Variants in KCMF1 observed in about 807,000 individuals in gnomAD.
The protein encoded by KCMF1 is E3 ubiquitin-protein ligase KCMF1.
In KCMF1, 3 loss-of-function variants were observed where a neutral mutation model predicts 41.1. The ratio of observed to expected loss-of-function variants is 0.07; its 90% confidence interval spans 0.03 to 0.19. The LOEUF is 0.19. Among genes scored for constraint, KCMF1 ranks in the 10% least tolerant of loss-of-function variants. KCMF1 has a pLI of 1.00. For synonymous variants in KCMF1, 142 were observed against 164.5 expected, an observed-to-expected ratio of 0.86 and a Z score of 1.04; for missense variants, 286 against 488.9, an observed-to-expected ratio of 0.58 and a Z score of 3.91.
At chr2:85,049,328 A>G (rs1675748747) in intron 5 of KCMF1, 38 bp from the exon 6 acceptor site, 1 of 1,602,394 alleles carries the variant, frequency 6.2e-7, no homozygotes, top group Non-Finnish European at 8.5e-7. Flanking sequence ...TTTCCTCAGT[A>G]TTAAGCAGAC....
intron 1 of KCMF1, among the ~76,000 whole-genome samples, chr2:84,972,797 A>C (rs1673433573): frequency 6.6e-6 from 1 of 152,228 alleles, no homozygotes; most frequent in Non-Finnish European, 1.5e-5. Flanking sequence ...GTGTTCAACG[A>C]TTCTGTATTT....
intron 1 of KCMF1, among the ~76,000 whole-genome samples, chr2:85,006,819 G>A (rs1181979020): frequency 2.0e-5 from 3 of 151,496 alleles, no homozygotes; most frequent in African/African-American, 4.8e-5. Flanking sequence ...TTAAGAAATA[G>A]AACATCTCGG....
At chr2:84,973,168 TCA>T (rs1673446596) in intron 1 of KCMF1, among the ~76,000 whole-genome samples, 1 of 152,220 alleles carries the variant, frequency 6.6e-6, no homozygotes, top group African/African-American at 2.4e-5. Context: ...AGTTAGAGAA[TCA>T]CAGCCATGGA....
chr2:85,017,541 T>C (rs558399912), intron 1 of KCMF1, among the ~76,000 whole-genome samples: 1 of 151,948 alleles, frequency 6.6e-6, no homozygotes, highest in Non-Finnish European at 1.5e-5. Context: ...TTTCACAGAA[T>C]AGAAAAGAGG....
intron 3 of KCMF1, among the ~76,000 whole-genome samples, chr2:85,035,813 T>A (rs539018233): frequency 7.2e-5 from 11 of 152,054 alleles, no homozygotes; most frequent in Admixed American, 7.2e-4. Context: ...CACCTAAGAG[T>A]CTCTCCCCCA....
intron 2 of KCMF1, among the ~76,000 whole-genome samples, chr2:85,031,887 A>G (rs568257036): frequency 4.0e-4 from 61 of 152,258 alleles, no homozygotes; most frequent in African/African-American, 1.5e-3. Context: ...CCACATGCAC[A>G]TGCCACCACA....
chr2:84,983,042 C>T (rs961823705), intron 1 of KCMF1, among the ~76,000 whole-genome samples: 3 of 152,120 alleles, frequency 2.0e-5, no homozygotes, highest in South Asian at 2.1e-4. Flanking sequence ...TGTATATTTT[C>T]ATGTTTCTTC....
rs560617627 is a variant in KCMF1 at position 85,046,938 on chromosome 2, G to C, written c.601+660G>C. On this transcript the variant is annotated intron_variant, in intron 5 of 6. Coordinates refer to ENST00000409785, the MANE Select transcript of KCMF1 (RefSeq NM_020122.5). ...ACATAACTTTCATAGTATATTTTTA[G>C]ATTTACTCTATTTTGTTGGGAATCT... Among the ~76,000 whole-genome samples, 24 of 152,146 alleles carry C rather than the reference G, an allele frequency of 1.6e-4. No homozygotes were observed. In the South Asian group the frequency reaches 2.5e-3, roughly 16 times the overall value.
Position 85,012,449 on chromosome 2 carries a change from A to G in KCMF1, c.17-15440A>G, listed in dbSNP as rs1343823259. ...TGGTTTGAGATTCACATCAAACTGT[A>G]TAAGCACTATCCATTTTCCTCATTT... On this transcript the variant is annotated intron_variant, in intron 1 of 6. Transcript: ENST00000409785. Among the ~76,000 whole-genome samples, 4 of 152,238 alleles carry G rather than the reference A, an allele frequency of 2.6e-5. No homozygotes were observed. In the East Asian group the frequency reaches 7.7e-4, roughly 29 times the overall value.
chr2:84,984,851 T>C (rs1175341549), intron 1 of KCMF1, among the ~76,000 whole-genome samples: 1 of 151,840 alleles, frequency 6.6e-6, no homozygotes, highest in Non-Finnish European at 1.5e-5. Context: ...GAAAGAAACT[T>C]CTATTATTTA....
chr2:85,008,354 A>ATAATATATAATGATATATATTATATATG lies in KCMF1; in HGVS notation c.17-19535_17-19534insTAATATATAATGATATATATTATATATG, dbSNP rs1394581511. Among the ~76,000 whole-genome samples the ATAATATATAATGATATATATTATATATG allele has an allele frequency of 7.1e-5, 4 of 56,482 alleles. 1 individual carries two copies. The highest frequency in any genetic ancestry group is 3.5e-4 in the African/African-American group (4 of 11,530). The allele number at this position is 56,482 out of a possible 152,430, so 37.1% of individuals were successfully genotyped here. A position where few individuals can be genotyped will look rare whatever the true frequency, so the allele number is the denominator to read the frequency against. ...ATATATAATATGATATATAATATAT[A>ATAATATATAATGATATATATTATATATG]ATATATATTATATATCATATGATAT... On this transcript the variant is annotated intron_variant, in intron 1 of 6. Transcript: ENST00000409785.
intron 2 of KCMF1, among the ~76,000 whole-genome samples, chr2:85,032,250 C>T (rs1452286244): frequency 6.6e-6 from 1 of 152,180 alleles, no homozygotes; most frequent in East Asian, 1.9e-4. Context: ...CGGCTCACTG[C>T]AACTTCCGCC....
rs945796526 is a variant in KCMF1 at position 85,054,719 on chromosome 2, T to C, written c.*1310T>C. ...TTTTTGGAATGTAAATTTAGGACTTTTAAAAAGGTGCGCACAGCTTCTGAT... is the reference window on the plus strand; with the variant it reads ...TTTTTGGAATGTAAATTTAGGACTTCTAAAAAGGTGCGCACAGCTTCTGAT... On this transcript the variant is annotated 3_prime_UTR_variant, in exon 7 of 7. Transcript: ENST00000409785. The C allele has an allele frequency of 1.3e-5, 2 of 152,270 alleles. No homozygotes were observed. The highest frequency in any genetic ancestry group is 1.3e-4 in the Admixed American group (2 of 15,292). 9.4% of individuals were successfully genotyped at this position (152,270 alleles called of 1,614,324 possible). A position where few individuals can be genotyped will look rare whatever the true frequency, so the allele number is the denominator to read the frequency against.
chr2:85,013,300 T>A (rs1418731323), intron 1 of KCMF1, among the ~76,000 whole-genome samples: 1 of 152,154 alleles, frequency 6.6e-6, no homozygotes, highest in Non-Finnish European at 1.5e-5. Flanking sequence ...CCAGGGCAGA[T>A]CTTTTCCCAC....
chr2:85,054,902 C>T lies in KCMF1; in HGVS notation c.*1493C>T, dbSNP rs1344826128. 2 of 152,272 alleles carry T rather than the reference C, an allele frequency of 1.3e-5. No homozygotes were observed. The highest frequency in any genetic ancestry group is 3.9e-4 in the East Asian group (2 of 5,186). The allele number at this position is 152,272 out of a possible 1,614,324, so 9.4% of individuals were successfully genotyped here. A position where few individuals can be genotyped will look rare whatever the true frequency, so the allele number is the denominator to read the frequency against. ...GACAAGCATACAGACTTGAACACCC[C>T]TCCGGTGTTCTTCCGAGAACTGTGA... On this transcript the variant is annotated 3_prime_UTR_variant, in exon 7 of 7. Coordinates refer to ENST00000409785, the MANE Select transcript of KCMF1 (RefSeq NM_020122.5).
chr2:85,029,885 A>T (rs527674158), intron 2 of KCMF1, among the ~76,000 whole-genome samples: 11 of 151,962 alleles, frequency 7.2e-5, no homozygotes, highest in African/African-American at 2.7e-4. Context: ...GGGTTTCACC[A>T]TGTTGGCCAG....
chr2:85,000,299 G>A (rs1253455139), intron 1 of KCMF1, among the ~76,000 whole-genome samples: 1 of 151,992 alleles, frequency 6.6e-6, no homozygotes, highest in Non-Finnish European at 1.5e-5. Context: ...CTAATTTCGT[G>A]TTTTTAGTAG....
At chr2:85,052,739 T>G (rs1187478852) in intron 6 of KCMF1, among the ~76,000 whole-genome samples, 1 of 152,234 alleles carries the variant, frequency 6.6e-6, no homozygotes, top group African/African-American at 2.4e-5. Flanking sequence ...AGTTGAATAT[T>G]CTGTTCACTG....
intron 1 of KCMF1, among the ~76,000 whole-genome samples, chr2:84,972,643 T>C (rs1313227331): frequency 6.6e-6 from 1 of 152,192 alleles, no homozygotes; most frequent in Non-Finnish European, 1.5e-5. Context: ...TAGTGTGTGC[T>C]TAGCACTATG....
Sources: allele counts gnomAD v4.1 joint callset (sites outside exome capture counted in the v4.1 genomes callset), GRCh38; gene constraint gnomAD v4.1.1; transcripts MANE v1.5; gene names NCBI Gene and HGNC (gene_info 2026-07-23, HGNC 2026-07-21).